PAXBP1: variants seen among roughly 807,000 people sequenced by gnomAD.
PAXBP1 encodes the protein PAX3 and PAX7 binding protein 1.
PAXBP1 carries 44 observed loss-of-function variants against 119.9 expected under a neutral mutation model. The observed-to-expected ratio is 0.37, with a 90% confidence interval of 0.29 to 0.47. The LOEUF (loss-of-function observed/expected upper bound fraction) is 0.47. Ranked by LOEUF, PAXBP1 falls within the 20% of genes least tolerant of loss-of-function variation. The probability of loss-of-function intolerance (pLI) is 0.99; values close to 1 mark genes in which losing one functional copy is unlikely to be tolerated. For synonymous variants in PAXBP1, 393 were observed against 406.6 expected (o/e 0.97, Z 0.40); for missense variants, 898 against 1,134.1 (o/e 0.79, Z 2.99).
chr21:32,743,705 T>C lies in PAXBP1; in HGVS notation c.2240A>G (p.Asp747Gly), dbSNP rs746631337. Reference sequence around the variant, plus strand: ...TTTGGGATATAAGGGCATAAATACATCATCATCTAAAGTTCTTCTCATTCT... The same window carrying C: ...TTTGGGATATAAGGGCATAAATACACCATCATCTAAAGTTCTTCTCATTCT... ...LLRMRRTLDD[D>G]VFMPLYPKNV... is the part of the protein sequence containing the mutation. Residue 747 changes from aspartate (D) to glycine (G), a missense_variant, in exon 14 of 18, where the codon GAT becomes GGT. By Grantham distance (94) the Asp-to-Gly change is moderately conservative. Coordinates refer to ENST00000331923, the MANE Select transcript of PAXBP1 (RefSeq NM_016631.4). The C allele has an allele frequency of 6.3e-7, 1 of 1,595,822 alleles. No homozygotes were observed. Among genetic ancestry groups the C allele is most frequent in the South Asian group, 1.1e-5 (1 of 89,898 alleles).
chr21:32,771,554 C>T lies in PAXBP1; in HGVS notation c.115G>A (p.Gly39Ser), dbSNP rs183296771. The T allele has an allele frequency of 1.4e-3, 1,956 of 1,414,400 alleles. 21 individuals are homozygous for T. In the African/African-American group the frequency reaches 0.024, roughly 17 times the overall value. The allele number at this position is 1,414,400 out of a possible 1,614,324, so 87.6% of individuals were successfully genotyped here. The change falls in exon 1 of 18, where the codon GGC becomes AGC. Residue 39 changes from glycine (G) to serine (S), a missense_variant. This residue lies in a region of PAXBP1 where 299 missense variants were observed against 281.4 expected (regional missense o/e 1.06). Coordinates refer to ENST00000331923, the MANE Select transcript of PAXBP1 (RefSeq NM_016631.4). Reference sequence around the variant, plus strand: ...CCGCCACCGGGGCCCGCCTCTTCGCCCGTGCCCGGCGGCGGCAACAACGGC... The same window carrying T: ...CCGCCACCGGGGCCCGCCTCTTCGCTCGTGCCCGGCGGCGGCAACAACGGC... ...PPPLLPPPGT[G>S]EEAGPGGGDR...
intron 15 of PAXBP1, 67 bp from the exon 16 acceptor site, chr21:32,738,386 T>G (rs1019297147): frequency 1.5e-6 from 2 of 1,305,220 alleles, no homozygotes; most frequent in Admixed American, 4.9e-5. Flanking sequence ...ATAAGTTACA[T>G]AGTAAAACAC....
chr21:32,758,173 A>T (rs902803261), intron 7 of PAXBP1, among the ~76,000 whole-genome samples: 1 of 152,242 alleles, frequency 6.6e-6, no homozygotes, highest in African/African-American at 2.4e-5. Flanking sequence ...GTATTCAAGT[A>T]ATCAACAAAG....
chr21:32,767,090 C>T (rs1165892945), intron 2 of PAXBP1, among the ~76,000 whole-genome samples: 1 of 152,102 alleles, frequency 6.6e-6, no homozygotes, highest in African/African-American at 2.4e-5. Flanking sequence ...TAATTATCAC[C>T]GCAATAAGCA....
chr21:32,745,050 T>C, intron 12 of PAXBP1, 137 bp from the exon 13 acceptor site: 1 of 944,344 alleles, frequency 1.1e-6, no homozygotes, highest in Non-Finnish European at 1.5e-6. Context: ...TTCTTTGTCC[T>C]ATTAACTGTG....
intron 14 of PAXBP1, among the ~76,000 whole-genome samples, 173 bp downstream of exon 14, chr21:32,743,505 G>T (rs888856065): frequency 1.3e-5 from 2 of 152,278 alleles, no homozygotes; most frequent in Middle Eastern, 6.8e-3. Context: ...CAGGGAGAAC[G>T]TAAGAGTATT....
Position 32,751,179 on chromosome 21 carries a change from C to A in PAXBP1, c.1547G>T (p.Arg516Leu). Residue 516 changes from arginine (R) to leucine (L), a missense_variant, in exon 9 of 18, where the codon CGC becomes CTC. Physicochemically the swap from Arg to Leu is moderately radical, Grantham distance 102 (BLOSUM62 -2). Coordinates refer to ENST00000331923, the MANE Select transcript of PAXBP1 (RefSeq NM_016631.4). ...ATGCTCTTGATACAGTGCCCGATCG[C>A]GTCCAAAGGAGTCAAGATTTGGTGC... ...LMAPNLDSFGRDRALYQEHAK... is the reference protein window; with the variant it reads ...LMAPNLDSFGLDRALYQEHAK... 6.2e-7 allele frequency: 1 copy of A among 1,614,054 alleles called. No individual in the cohort carries two copies. The highest frequency in any genetic ancestry group is 8.5e-7 in the Non-Finnish European group (1 of 1,179,948).
chr21:32,762,825 C>T (rs755994327), intron 3 of PAXBP1, among the ~76,000 whole-genome samples: 4 of 150,030 alleles, frequency 2.7e-5, no homozygotes, highest in East Asian at 2.0e-4. Context: ...GCAGGAGAAT[C>T]GCTTGAACCC....
Position 32,737,312 on chromosome 21 carries a change from C to T in PAXBP1, c.2578G>A (p.Ala860Thr), listed in dbSNP as rs2043706480. 6.2e-7 allele frequency: 1 copy of T among 1,601,948 alleles called. No homozygotes were observed. The highest frequency in any genetic ancestry group is 2.2e-5 in the East Asian group (1 of 44,454). ...ENFCRYLVHLADTIYRNSIGC... is the reference protein window; with the variant it reads ...ENFCRYLVHLTDTIYRNSIGC... ...ATACTATTTCTATAAATTGTATCCG[C>T]TAAGTGTACAAGGTATCGGCAAAAG... Residue 860 changes from alanine to threonine, a missense_variant, in exon 17 of 18, where the codon GCG (alanine) becomes ACG (threonine). Transcript: ENST00000331923.
rs536835926 is a variant in PAXBP1 at position 32,757,640 on chromosome 21, G to A, written c.1383+1440C>T. 2.6e-5 allele frequency among the ~76,000 whole-genome samples: 4 copies of A among 152,310 alleles called. No homozygotes were observed. The East Asian group carries it at 7.7e-4, about 29-fold the overall frequency. ...TTACTGTCAAATTTTTTAGAGTTGT[G>A]TTTGCAATTATGAATGTCTTAATTT... On this transcript the variant is annotated intron_variant, in intron 7 of 17. Transcript: ENST00000331923.
intron 2 of PAXBP1, among the ~76,000 whole-genome samples, chr21:32,765,109 C>A (rs1261396553): frequency 6.6e-6 from 1 of 152,196 alleles, no homozygotes; most frequent in African/African-American, 2.4e-5. Flanking sequence ...ACCCCACTAC[C>A]ACGACTCAAT....
At chr21:32,763,644 T>C (rs1215077232) in intron 3 of PAXBP1, among the ~76,000 whole-genome samples, 1 of 152,222 alleles carries the variant, frequency 6.6e-6, no homozygotes, top group Non-Finnish European at 1.5e-5. Context: ...TGGATAGACC[T>C]GCAAACTATT....
chr21:32,760,064 G>T (rs894437281), intron 5 of PAXBP1, 70 bp from the exon 6 acceptor site: 4 of 1,274,420 alleles, frequency 3.1e-6, no homozygotes, highest in Non-Finnish European at 4.4e-6. Context: ...TGCCTTTAGG[G>T]TTAAAAAATC....
chr21:32,761,166 C>A lies in PAXBP1; in HGVS notation c.872-4G>T, dbSNP rs202039582. The A allele has an allele frequency of 5.4e-5, 87 of 1,609,336 alleles. No individual in the cohort carries two copies. The highest frequency in any genetic ancestry group is 1.6e-4 in the Middle Eastern group (1 of 6,076). ...TCATCATCACTCCCCTCAATTCCTA[C>A]AGCCATGAGCAACAAAGAAAAGTAA... On this transcript the variant is annotated splice_polypyrimidine_tract_variant and splice_region_variant and intron_variant, in intron 4 of 17. Transcript: ENST00000331923.
intron 4 of PAXBP1, among the ~76,000 whole-genome samples, chr21:32,761,539 T>C (rs1000317533): frequency 1.3e-5 from 2 of 152,092 alleles, no homozygotes; most frequent in Non-Finnish European, 2.9e-5. Flanking sequence ...GTTATCACAA[T>C]GATATTAGTT....
intron 15 of PAXBP1, among the ~76,000 whole-genome samples, chr21:32,741,050 A>T (rs2043775712): frequency 6.6e-6 from 1 of 152,218 alleles, no homozygotes; most frequent in African/African-American, 2.4e-5. Context: ...CTGTAGAATG[A>T]CTTAAAAAGC....
intron 17 of PAXBP1, among the ~76,000 whole-genome samples, chr21:32,736,853 G>A (rs186511542): frequency 6.6e-6 from 1 of 152,054 alleles, no homozygotes; most frequent in Non-Finnish European, 1.5e-5. Context: ...GCCCCAAAAA[G>A]CCATGAGTGA....
intron 10 of PAXBP1, among the ~76,000 whole-genome samples, chr21:32,749,343 C>T (rs1463562207): frequency 1.3e-5 from 2 of 151,782 alleles, no homozygotes; most frequent in Non-Finnish European, 2.9e-5. Context: ...TACAGGTATG[C>T]GCCACCATGC....
intron 13 of PAXBP1, among the ~76,000 whole-genome samples, chr21:32,744,475 T>A (rs1387771651): frequency 2.0e-5 from 3 of 152,052 alleles, no homozygotes; most frequent in Non-Finnish European, 2.9e-5. Flanking sequence ...AAAAGGACAT[T>A]TGATTAGTTG....
Sources: allele counts gnomAD v4.1 joint callset (sites outside exome capture counted in the v4.1 genomes callset), GRCh38; gene constraint gnomAD v4.1.1; regional missense constraint gnomAD v4.1.1; transcripts MANE v1.5; gene names NCBI Gene and HGNC (gene_info 2026-07-23, HGNC 2026-07-21).